The following ZMAT4 variants were observed in gnomAD, a reference collection of about 807,000 sequenced individuals.
ZMAT4 encodes the protein zinc finger matrin-type protein 4.
A neutral mutation model predicts 28.7 loss-of-function variants in ZMAT4; 17 were observed. The ratio of observed to expected loss-of-function variants is 0.59; its 90% CI spans 0.41 to 0.89. The LOEUF is 0.89. ZMAT4 is among the 40% of genes least tolerant of loss of function. The pLI, the probability that ZMAT4 is intolerant of heterozygous loss-of-function variation, is 0.00. For synonymous variants in ZMAT4, 117 were observed against 109.2 expected (o/e 1.07, Z -0.44); for missense variants, 240 against 283.8 (o/e 0.85, Z 1.11).
At chr8:40,658,234 A>G (rs1222155683) in intron 5 of ZMAT4, among the ~76,000 whole-genome samples, 1 of 152,152 alleles carries the variant, frequency 6.6e-6, no homozygotes, top group Non-Finnish European at 1.5e-5. Flanking sequence ...GGATTATCTC[A>G]GTATTAGTCT....
intron 3 of ZMAT4, among the ~76,000 whole-genome samples, chr8:40,730,863 A>G (rs1386589576): frequency 1.3e-5 from 2 of 152,190 alleles, no homozygotes; most frequent in African/African-American, 4.8e-5. Context: ...TCTGGAGTCC[A>G]TTGAAGGCTT....
chr8:40,694,566 A>T (rs781094512), intron 4 of ZMAT4, among the ~76,000 whole-genome samples: 1 of 152,038 alleles, frequency 6.6e-6, no homozygotes, highest in Non-Finnish European at 1.5e-5. Context: ...AGAGCCTCCG[A>T]TGCTGGTGCC....
intron 2 of ZMAT4, among the ~76,000 whole-genome samples, chr8:40,769,752 CT>C (rs1471637182): frequency 1.3e-5 from 2 of 151,392 alleles, no homozygotes; most frequent in Admixed American, 6.6e-5. Context: ...TATGGCAAAA[CT>C]GGAAATCTCA....
At chr8:40,553,331 G>T (rs573291969) in intron 6 of ZMAT4, among the ~76,000 whole-genome samples, 34 of 152,250 alleles carry the variant, frequency 2.2e-4, no homozygotes, top group African/African-American at 7.0e-4. Flanking sequence ...TCAAGCTACC[G>T]AGTTTTCGGG....
In ZMAT4 at chr8:40,555,113, T is replaced by C. The variant is rs570808298; in HGVS notation, c.675-22875A>G. Among the ~76,000 whole-genome samples, 4 of 152,286 alleles carry C rather than the reference T, an allele frequency of 2.6e-5. No individual in the cohort carries two copies. In the East Asian group the frequency reaches 7.7e-4, roughly 29 times the overall value. ...GCCTGGCTTATTTTACTTAACATAA[T>C]GAGTTCCATCAATGTTGCTGCAAAT... On this transcript the variant is annotated intron_variant, in intron 6 of 6. Transcript: ENST00000297737.
chr8:40,741,872 C>CACCAAACA lies in ZMAT4; in HGVS notation c.192+25761_192+25768dup, dbSNP rs1467866272. On this transcript the variant is annotated intron_variant, in intron 3 of 6. Coordinates refer to ENST00000297737, the MANE Select transcript of ZMAT4 (RefSeq NM_024645.3). Reference sequence around the variant, plus strand: ...TATTAGAAAATATCCATCAATATAACACCAAACAAGAAAGCATTAAAAATA... The same window carrying CACCAAACA: ...TATTAGAAAATATCCATCAATATAACACCAAACAACCAAACAAGAAAGCATTAAAAATA... 1.4e-4 allele frequency among the ~76,000 whole-genome samples: 22 copies of CACCAAACA among 152,194 alleles called. No homozygotes were observed. The East Asian group carries it at 4.0e-3, about 28-fold the overall frequency.
chr8:40,560,061 T>G (rs1803684026), intron 6 of ZMAT4, among the ~76,000 whole-genome samples: 1 of 152,064 alleles, frequency 6.6e-6, no homozygotes, highest in African/African-American at 2.4e-5. Context: ...TCCCACTAAT[T>G]CCTGTCCTAA....
chr8:40,713,627 G>A (rs1374307699), intron 3 of ZMAT4, among the ~76,000 whole-genome samples: 1 of 151,990 alleles, frequency 6.6e-6, no homozygotes, highest in Non-Finnish European at 1.5e-5. Flanking sequence ...TACATATCCA[G>A]GCCAGGCGCA....
chr8:40,534,376 A>C (rs190877601), intron 6 of ZMAT4, among the ~76,000 whole-genome samples: 2 of 152,332 alleles, frequency 1.3e-5, no homozygotes, highest in Non-Finnish European at 2.9e-5. Context: ...ATCCAATCCA[A>C]GAAGAAAATT....
intron 2 of ZMAT4, among the ~76,000 whole-genome samples, chr8:40,797,719 G>A (rs775993381): frequency 2.2e-4 from 33 of 152,186 alleles, no homozygotes; most frequent in Non-Finnish European, 4.6e-4. Flanking sequence ...GATTGGTACA[G>A]CACTCGGTCC....
intron 5 of ZMAT4, among the ~76,000 whole-genome samples, chr8:40,608,222 T>C (rs1277490119): frequency 1.3e-5 from 2 of 152,134 alleles, no homozygotes; most frequent in African/African-American, 4.8e-5. Flanking sequence ...ATGTCTGAGC[T>C]CAGACTCTTC....
intron 5 of ZMAT4, among the ~76,000 whole-genome samples, chr8:40,630,077 G>A (rs1277874371): frequency 6.6e-6 from 1 of 152,034 alleles, no homozygotes; most frequent in East Asian, 1.9e-4. Flanking sequence ...GCTCCACAGG[G>A]CAGGTTCTAT....
chr8:40,864,256 C>T (rs932818112), intron 1 of ZMAT4, among the ~76,000 whole-genome samples: 4 of 152,234 alleles, frequency 2.6e-5, no homozygotes, highest in Non-Finnish European at 5.9e-5. Context: ...CCTGGGATTC[C>T]TCTTTCCTTG....
chr8:40,635,049 A>G (rs1306746062), intron 5 of ZMAT4, among the ~76,000 whole-genome samples: 2 of 152,156 alleles, frequency 1.3e-5, no homozygotes, highest in Non-Finnish European at 1.5e-5. Context: ...TTAAAGGCAA[A>G]GACAGCAATT....
chr8:40,637,582 C>T (rs1430441810), intron 5 of ZMAT4, among the ~76,000 whole-genome samples: 2 of 152,150 alleles, frequency 1.3e-5, no homozygotes, highest in African/African-American at 4.8e-5. Flanking sequence ...TTCCCCAATG[C>T]CATATTAAAA....
intron 5 of ZMAT4, among the ~76,000 whole-genome samples, chr8:40,589,971 CCCTT>C (rs1217316034): frequency 1.8e-3 from 52 of 28,820 alleles, no homozygotes; most frequent in East Asian, 7.4e-3. Context: ...TTCCCTCCCT[CCCTT>C]CCTTCCTTCC....
At chr8:40,714,118 A>G (rs953347896) in intron 3 of ZMAT4, among the ~76,000 whole-genome samples, 2 of 152,132 alleles carry the variant, frequency 1.3e-5, no homozygotes, top group African/African-American at 2.4e-5. Context: ...CAAAGGTGCA[A>G]AGAAATCAGC....
At chr8:40,532,957 T>TGGCAACAG (rs1374395383) in intron 6 of ZMAT4, among the ~76,000 whole-genome samples, 1 of 150,120 alleles carries the variant, frequency 6.7e-6, no homozygotes, top group Non-Finnish European at 1.5e-5. Flanking sequence ...CACTCCAGCC[T>TGGCAACAG]GGCAACAGAG....
intron 2 of ZMAT4, among the ~76,000 whole-genome samples, chr8:40,821,102 T>A (rs142926247): frequency 9.1e-4 from 135 of 148,738 alleles, no homozygotes; most frequent in African/African-American, 3.1e-3. Flanking sequence ...ATGGGGGGAG[T>A]GTGTATGTGT....
Sources: allele counts gnomAD v4.1 joint callset (sites outside exome capture counted in the v4.1 genomes callset), GRCh38; gene constraint gnomAD v4.1.1; transcripts MANE v1.5; gene names NCBI Gene and HGNC (gene_info 2026-07-23, HGNC 2026-07-21).